Variants in ATXN8OS observed in about 807,000 individuals in gnomAD.
ATXN8OS encodes the protein ATXN8 opposite strand (non-protein coding).
chr13:70,137,650 A>C (rs1242716003), intron 3 of ATXN8OS, among the ~76,000 whole-genome samples: 1 of 152,166 alleles, frequency 6.6e-6, no homozygotes, highest in Non-Finnish European at 1.5e-5. Context: ...GTACTTCAGC[A>C]ATGATACTGT....
At chr13:70,141,832 T>C (rs1344147893) in intron 3 of ATXN8OS, among the ~76,000 whole-genome samples, 1 of 152,040 alleles carries the variant, frequency 6.6e-6, no homozygotes, top group East Asian at 1.9e-4. Context: ...GTCAGTATGA[T>C]AAAACCAACA....
intron 4 of ATXN8OS, among the ~76,000 whole-genome samples, chr13:70,152,670 T>A (rs764744656): frequency 6.6e-6 from 1 of 152,032 alleles, no homozygotes; most frequent in East Asian, 1.9e-4. Context: ...ACAAGTGAGA[T>A]TAAGGAAGCC....
chr13:70,110,711 A>AT (rs1250447933), intron 1 of ATXN8OS, among the ~76,000 whole-genome samples: 1 of 152,036 alleles, frequency 6.6e-6, no homozygotes, highest in Non-Finnish European at 1.5e-5. Context: ...GCACTAATTA[A>AT]TTTATCTATT....
At chr13:70,143,837 G>A (rs1383945427) in intron 3 of ATXN8OS, among the ~76,000 whole-genome samples, 1 of 152,102 alleles carries the variant, frequency 6.6e-6, no homozygotes, top group Non-Finnish European at 1.5e-5. Context: ...ATGGAAATTA[G>A]TTATTTTTCA....
rs1888534878 is a variant in ATXN8OS at position 70,131,661 on chromosome 13, A to G, written n.499+1777A>G. The G allele has an allele frequency of 2.3e-5, 9 of 395,904 alleles. No homozygotes were observed. The East Asian group carries it at 3.2e-4, about 14-fold the overall frequency. The allele number at this position is 395,904 out of a possible 1,614,324, so 24.5% of individuals were successfully genotyped here. On this transcript the variant is annotated intron_variant and non_coding_transcript_variant, in intron 3 of 4. Coordinates refer to ENST00000678624, the Ensembl canonical transcript of ATXN8OS. ...TCAGATATCCTTTTCTCATGGAGAC[A>G]TTCTCTGGCCAACCCAGACTAGATC...
intron 3 of ATXN8OS, among the ~76,000 whole-genome samples, chr13:70,132,263 A>G (rs753196607): frequency 6.6e-6 from 1 of 151,760 alleles, no homozygotes; most frequent in Non-Finnish European, 1.5e-5. Flanking sequence ...TGTGGCATAT[A>G]TATACCATGG....
intron 2 of ATXN8OS, among the ~76,000 whole-genome samples, chr13:70,122,555 C>T (rs998378941): frequency 4.6e-5 from 7 of 151,824 alleles, no homozygotes; most frequent in South Asian, 4.1e-4. Flanking sequence ...CAAATGTGTA[C>T]GGCTGAGAAA....
chr13:70,112,922 T>A (rs865788120), intron 1 of ATXN8OS, among the ~76,000 whole-genome samples: 18,815 of 110,158 alleles, frequency 0.17, 2,079 homozygotes, highest in East Asian at 0.36. Flanking sequence ...TATATATAAT[T>A]TTTTTTTTTT....
chr13:70,152,006 T>C (rs1308880148), intron 4 of ATXN8OS, among the ~76,000 whole-genome samples: 2 of 152,172 alleles, frequency 1.3e-5, no homozygotes, highest in Non-Finnish European at 2.9e-5. Context: ...TATCTTGACC[T>C]ACAAAATCCT....
At chr13:70,120,565 C>T (rs4474585) in intron 2 of ATXN8OS, among the ~76,000 whole-genome samples, 109,235 of 152,066 alleles carry the variant, frequency 0.72, 39,553 homozygotes, top group South Asian at 0.85. Flanking sequence ...CAAGCTTCCA[C>T]TATCCATACA....
intron 1 of ATXN8OS, among the ~76,000 whole-genome samples, chr13:70,113,152 C>A (rs1042175941): frequency 2.0e-5 from 3 of 151,736 alleles, no homozygotes; most frequent in African/African-American, 7.3e-5. Flanking sequence ...AAACTCCTGA[C>A]GCTGTGATCC....
exon 5 of ATXN8OS, among the ~76,000 whole-genome samples, chr13:70,169,853 G>A (rs1184359622): frequency 6.6e-6 from 1 of 151,848 alleles, no homozygotes; most frequent in African/African-American, 2.4e-5. Context: ...CCTCTATTTG[G>A]GACAAATATG....
intron 1 of ATXN8OS, among the ~76,000 whole-genome samples, chr13:70,113,378 G>A (rs1181227733): frequency 6.6e-6 from 1 of 151,908 alleles, no homozygotes; most frequent in African/African-American, 2.4e-5. Context: ...CACATTTGAT[G>A]GCATGATATC....
chr13:70,110,271 G>T (rs1888179921), intron 1 of ATXN8OS, among the ~76,000 whole-genome samples: 1 of 151,862 alleles, frequency 6.6e-6, no homozygotes, highest in Admixed American at 6.6e-5. Context: ...GTAAATATAG[G>T]TACCTTTCTA....
At chr13:70,157,466 T>C (rs2137502707) in intron 4 of ATXN8OS, among the ~76,000 whole-genome samples, 1 of 151,380 alleles carries the variant, frequency 6.6e-6, no homozygotes, top group Middle Eastern at 3.4e-3. Context: ...TAGATTATCC[T>C]AAGGAAAGAA....
intron 4 of ATXN8OS, among the ~76,000 whole-genome samples, chr13:70,155,060 G>A (rs542735883): frequency 1.9e-4 from 29 of 152,258 alleles, no homozygotes; most frequent in African/African-American, 6.3e-4. Flanking sequence ...TGTTCCGGGC[G>A]CAGTCTTTTG....
intron 3 of ATXN8OS, among the ~76,000 whole-genome samples, chr13:70,144,997 G>C (rs1888762989): frequency 6.6e-6 from 1 of 152,162 alleles, no homozygotes; most frequent in Admixed American, 6.5e-5. Flanking sequence ...TAACATGTAA[G>C]TCTTTAATCC....
chr13:70,129,910 G>A (rs1315971441), intron 3 of ATXN8OS: 1 of 398,318 alleles, frequency 2.5e-6, no homozygotes, highest in Non-Finnish European at 4.4e-6. Flanking sequence ...GGTTGTACTG[G>A]TGATAATGGC....
chr13:70,141,511 A>G (rs2137492671), intron 3 of ATXN8OS, among the ~76,000 whole-genome samples: 1 of 152,320 alleles, frequency 6.6e-6, no homozygotes, highest in East Asian at 1.9e-4. Flanking sequence ...CAGAATACAA[A>G]GAGGATATAG....
Sources: allele counts gnomAD v4.1 joint callset (sites outside exome capture counted in the v4.1 genomes callset), GRCh38; gene constraint gnomAD v4.1.1; transcripts MANE v1.5; gene names NCBI Gene and HGNC (gene_info 2026-07-23, HGNC 2026-07-21).